AMPH: variants seen among roughly 807,000 people sequenced by gnomAD.
AMPH encodes the protein amphiphysin (Stiff-Mann syndrome with breast cancer 128kD autoantigen).
Under a neutral mutation model 99.1 loss-of-function variants are expected in AMPH, and 49 were observed. That is an observed-to-expected ratio of 0.49 (90% CI 0.39 to 0.63). The LOEUF is 0.63. Among genes scored for constraint, AMPH ranks in the 20% least tolerant of loss-of-function variants. AMPH has a pLI of 0.00. For missense variants in AMPH, 759 were observed against 863.4 expected, an observed-to-expected ratio of 0.88 and a Z score of 1.52; for synonymous variants, 314 against 317.3, an observed-to-expected ratio of 0.99 and a Z score of 0.11.
At chr7:38,418,107 G>A in intron 16 of AMPH, 157 bp from the exon 17 acceptor site, 1 of 704,650 alleles carries the variant, frequency 1.4e-6, no homozygotes, top group South Asian at 2.5e-5. Flanking sequence ...GCCATCATAG[G>A]CTTTTAGAGA....
In AMPH at chr7:38,392,142, C is replaced by T. The variant is rs577987341; in HGVS notation, c.1609-125G>A. On this transcript the variant is annotated intron_variant, in intron 18 of 20. Transcript: ENST00000356264. ...TGCCACTTCCATACTTCCCCACTAG[C>T]CAGACTCAGGTCTGGGCCTTCCGCT... The T allele has an allele frequency of 6.6e-5, 63 of 960,732 alleles. No individual in the cohort carries two copies. In the African/African-American group the frequency reaches 9.6e-4, roughly 15 times the overall value. The allele number at this position is 960,732 out of a possible 1,614,324, so 59.5% of individuals were successfully genotyped here. A position where few individuals can be genotyped will look rare whatever the true frequency, so the allele number is the denominator to read the frequency against.
intron 1 of AMPH, among the ~76,000 whole-genome samples, chr7:38,584,924 C>T (rs187851684): frequency 5.9e-4 from 90 of 152,320 alleles, no homozygotes; most frequent in African/African-American, 1.9e-3. Flanking sequence ...ATTTCTCCCA[C>T]GTGCTTCAAG....
intron 1 of AMPH, among the ~76,000 whole-genome samples, chr7:38,617,457 A>G (rs1793914982): frequency 6.6e-6 from 1 of 152,262 alleles, no homozygotes; most frequent in Admixed American, 6.5e-5. Flanking sequence ...ATGTGTGACA[A>G]GGAACCTGGA....
intron 16 of AMPH, among the ~76,000 whole-genome samples, chr7:38,419,626 T>G (rs1202725081): frequency 6.6e-6 from 1 of 152,238 alleles, no homozygotes; most frequent in Non-Finnish European, 1.5e-5. Flanking sequence ...ATACTGTAAG[T>G]GCTCAGGGAA....
chr7:38,571,987 C>G (rs4723771), intron 1 of AMPH, among the ~76,000 whole-genome samples: 18,776 of 151,868 alleles, frequency 0.12, 1,593 homozygotes, highest in Admixed American at 0.24. Context: ...CTCACCGCAA[C>G]CTCTGCCTCC....
intron 1 of AMPH, among the ~76,000 whole-genome samples, chr7:38,627,325 C>T (rs928654275): frequency 2.8e-5 from 4 of 145,346 alleles, no homozygotes; most frequent in East Asian, 2.0e-4. Context: ...GGGCAGATAA[C>T]GAGGTCAGGA....
chr7:38,452,127 T>C (rs1471217226), intron 11 of AMPH, among the ~76,000 whole-genome samples: 1 of 152,156 alleles, frequency 6.6e-6, no homozygotes, highest in Non-Finnish European at 1.5e-5. Flanking sequence ...AACAAATCCA[T>C]CTGAGACTGG....
chr7:38,398,004 T>C (rs891752673), intron 17 of AMPH, among the ~76,000 whole-genome samples: 10 of 149,042 alleles, frequency 6.7e-5, no homozygotes, highest in African/African-American at 2.5e-4. Context: ...AGACAGGCAA[T>C]AACAAATGCT....
intron 1 of AMPH, among the ~76,000 whole-genome samples, chr7:38,540,577 G>A (rs559884741): frequency 6.7e-6 from 1 of 150,156 alleles, no homozygotes; most frequent in South Asian, 2.1e-4. Flanking sequence ...AAAAGTGGTT[G>A]GCATTTAAAG....
At chr7:38,566,226 C>A (rs1434338765) in intron 1 of AMPH, among the ~76,000 whole-genome samples, 2 of 152,144 alleles carry the variant, frequency 1.3e-5, no homozygotes, top group South Asian at 2.1e-4. Flanking sequence ...GAGACAAAAG[C>A]ATCTCATCCT....
intron 14 of AMPH, among the ~76,000 whole-genome samples, 187 bp from the exon 15 acceptor site, chr7:38,427,173 CAAA>C (rs3056199): frequency 6.8e-6 from 1 of 147,116 alleles, no homozygotes; most frequent in Non-Finnish European, 1.5e-5. Context: ...AATAGGCTGA[CAAA>C]AAAAAAAAGA....
intron 1 of AMPH, among the ~76,000 whole-genome samples, chr7:38,570,527 G>A (rs956090254): frequency 4.6e-5 from 7 of 152,074 alleles, no homozygotes; most frequent in Non-Finnish European, 1.0e-4. Flanking sequence ...ATGGCACAAT[G>A]CATTACCCAC....
intron 7 of AMPH, 64 bp downstream of exon 7, chr7:38,475,267 G>A (rs1199826112): frequency 2.9e-6 from 3 of 1,023,910 alleles, no homozygotes; most frequent in South Asian, 2.7e-5. Context: ...GACAAGATAA[G>A]GGATATTCAC....
intron 1 of AMPH, among the ~76,000 whole-genome samples, chr7:38,603,562 G>A (rs556371844): frequency 3.9e-5 from 6 of 152,236 alleles, no homozygotes; most frequent in South Asian, 2.1e-4. Flanking sequence ...CTACAGCTAC[G>A]AACGTACATG....
chr7:38,394,863 C>T (rs940421503), intron 17 of AMPH, among the ~76,000 whole-genome samples: 3 of 152,306 alleles, frequency 2.0e-5, no homozygotes, highest in Non-Finnish European at 2.9e-5. Context: ...GCCTAACCAC[C>T]CTCTTTTTAA....
intron 5 of AMPH, among the ~76,000 whole-genome samples, chr7:38,484,451 A>C (rs1180794132): frequency 2.0e-5 from 3 of 152,104 alleles, no homozygotes; most frequent in Non-Finnish European, 4.4e-5. Context: ...CAGATGACGT[A>C]TTTAAAGTGA....
chr7:38,444,276 A>G (rs754211586), intron 11 of AMPH, among the ~76,000 whole-genome samples: 1 of 152,136 alleles, frequency 6.6e-6, no homozygotes, highest in Non-Finnish European at 1.5e-5. Context: ...CAATATCTGT[A>G]CTGCTTTGAA....
At chr7:38,566,621 T>A (rs941457739) in intron 1 of AMPH, among the ~76,000 whole-genome samples, 1 of 152,002 alleles carries the variant, frequency 6.6e-6, no homozygotes, top group South Asian at 2.1e-4. Context: ...ACCTACAGAA[T>A]GCGAGAAAAT....
intron 11 of AMPH, among the ~76,000 whole-genome samples, chr7:38,441,349 G>T (rs146997606): frequency 1.3e-5 from 2 of 152,046 alleles, no homozygotes; most frequent in Non-Finnish European, 2.9e-5. Context: ...TGGTATAAAA[G>T]ATTTAGATAA....
Sources: gnomAD v4.1 joint callset for allele counts (sites outside exome capture counted in the v4.1 genomes callset) on GRCh38, gnomAD v4.1.1 for gene constraint, MANE v1.5 for transcripts, NCBI Gene and HGNC (gene_info 2026-07-23, HGNC 2026-07-21) for gene names.